Variants in PPEF1 observed in about 807,000 individuals in gnomAD.
PPEF1 encodes the protein protein phosphatase with EF-hand domain 1.
Under a neutral mutation model 53.3 loss-of-function variants are expected in PPEF1, and 12 were observed. The ratio of observed to expected loss-of-function variants is 0.23; its 90% confidence interval spans 0.14 to 0.36. The LOEUF is 0.36. Ranked by LOEUF, PPEF1 falls within the 10% of genes least tolerant of loss-of-function variation. The pLI is 1.00. For missense variants in PPEF1, 334 were observed against 490.4 expected, an observed-to-expected ratio of 0.68 and a Z score of 3.01; for synonymous variants, 165 against 176.7, an observed-to-expected ratio of 0.93 and a Z score of 0.52.
chrX:18,677,833 G>A (rs1017978157), intron 1 of PPEF1, among the ~76,000 whole-genome samples: 1 of 111,298 alleles, frequency 9.0e-6, no homozygotes, highest in Non-Finnish European at 1.9e-5. Flanking sequence ...CACTGGATGC[G>A]TGTAGCACAC....
intron 10 of PPEF1, among the ~76,000 whole-genome samples, chrX:18,798,322 G>A (rs371807079): frequency 1.8e-5 from 2 of 111,626 alleles, no homozygotes; most frequent in East Asian, 5.7e-4. Context: ...CATGAGCCAC[G>A]GCGCCTGGCC....
chrX:18,758,825 G>C (rs1431648962), intron 5 of PPEF1, among the ~76,000 whole-genome samples: 2 of 111,349 alleles, frequency 1.8e-5, no homozygotes, highest in African/African-American at 3.3e-5. Flanking sequence ...CCGCTCCCCT[G>C]TGTTTCACTG....
intron 1 of PPEF1, among the ~76,000 whole-genome samples, chrX:18,712,942 T>C (rs756925947): frequency 8.9e-6 from 1 of 112,285 alleles, no homozygotes; most frequent in Admixed American, 9.5e-5. Flanking sequence ...TGTTAATTGA[T>C]GTTAAGCCAA....
intron 10 of PPEF1, among the ~76,000 whole-genome samples, chrX:18,799,299 G>A (rs916567622): frequency 9.2e-6 from 1 of 108,762 alleles, no homozygotes; most frequent in Non-Finnish European, 1.9e-5. Context: ...TCAGCTAGTC[G>A]GGAGACTGAG....
intron 6 of PPEF1, among the ~76,000 whole-genome samples, chrX:18,766,065 C>CAAAAAAAAAAAAAAAAAAAA (rs61277288): frequency 1.6e-5 from 1 of 63,984 alleles, no homozygotes; most frequent in Non-Finnish European, 2.8e-5. Context: ...AACTCTGTCT[C>CAAAAAAAAAAAAAAAAAAAA]AAAAAAAAAA....
At chrX:18,683,324 C>T (rs1453458026) in intron 1 of PPEF1, among the ~76,000 whole-genome samples, 1 of 111,290 alleles carries the variant, frequency 9.0e-6, no homozygotes, top group African/African-American at 3.3e-5. Flanking sequence ...GGCAACATGT[C>T]TGTGTCAGAT....
chrX:18,795,662 T>A (rs1002902881), intron 10 of PPEF1, among the ~76,000 whole-genome samples: 1 of 112,337 alleles, frequency 8.9e-6, no homozygotes. Context: ...ACATTTTAAC[T>A]GCTTTCTTGT....
At chrX:18,757,374 C>T (rs936691221) in intron 4 of PPEF1, among the ~76,000 whole-genome samples, 1 of 110,022 alleles carries the variant, frequency 9.1e-6, no homozygotes, top group South Asian at 4.0e-4. Flanking sequence ...AGGGCAAGGG[C>T]GTGCCTCCCT....
At chrX:18,726,395 TGGC>T (rs2044708585) in intron 1 of PPEF1, among the ~76,000 whole-genome samples, 2 of 109,207 alleles carry the variant, frequency 1.8e-5, no homozygotes, top group Non-Finnish European at 3.8e-5. Context: ...AATAAATAAA[TGGC>T]GGCCATTATT....
intron 5 of PPEF1, among the ~76,000 whole-genome samples, chrX:18,698,087 CA>C (rs1266277531): frequency 8.9e-6 from 1 of 111,807 alleles, no homozygotes; most frequent in Non-Finnish European, 1.9e-5. Flanking sequence ...GTATATACCT[CA>C]GAGGATGGTG....
chrX:18,817,067 C>CGTGTGTGTGTGT (rs1391352242), intron 12 of PPEF1, among the ~76,000 whole-genome samples: 75 of 49,145 alleles, frequency 1.5e-3, no homozygotes, highest in African/African-American at 4.2e-3. Context: ...ATCATTTTGC[C>CGTGTGTGTGTGT]ATGTGTGTGT....
chrX:18,767,263 G>A (rs1395489815), intron 6 of PPEF1, among the ~76,000 whole-genome samples: 2 of 111,252 alleles, frequency 1.8e-5, no homozygotes, highest in Non-Finnish European at 3.8e-5. Context: ...AAGAAGTAAA[G>A]GGGACCAGGC....
intron 12 of PPEF1, among the ~76,000 whole-genome samples, chrX:18,810,607 C>A (rs779657819): frequency 4.5e-5 from 5 of 112,343 alleles, no homozygotes; most frequent in Admixed American, 9.5e-5. Flanking sequence ...CTCGGCATTT[C>A]ATATAAATGA....
chrX:18,679,373 T>C (rs1022823641), upstream of PPEF1, among the ~76,000 whole-genome samples: 4 of 112,337 alleles, frequency 3.6e-5, no homozygotes, highest in Non-Finnish European at 7.5e-5. Context: ...CCACCGTGCC[T>C]GGCCTCTGTT....
At position 18,786,061 on chromosome X, in the gene PPEF1, G is replaced by T. The variant is rs188265522; in HGVS notation, c.912+2013G>T. On this transcript the variant is annotated intron_variant, in intron 9 of 15. Coordinates refer to ENST00000470157, the MANE Select transcript of PPEF1 (RefSeq NM_001377996.1). ...GAGCACAAGGGAACATGATGTCTTT[G>T]TCAGTCAAATATTGGTGAACACAGG... Among the ~76,000 whole-genome samples the T allele has an allele frequency of 9.8e-5, 11 of 112,439 alleles. No individual in the cohort carries two copies. The East Asian group carries it at 3.1e-3, about 31-fold the overall frequency.
At chrX:18,707,626 T>G (rs989030102), upstream of PPEF1, 5 of 444,170 alleles carry the variant, frequency 1.1e-5, no homozygotes, top group African/African-American at 1.2e-4. Flanking sequence ...AACTGGCGGT[T>G]TCCTTCCCTC....
Position 18,788,054 on chromosome X carries a change from C to T in PPEF1, c.913-1067C>T, listed in dbSNP as rs751289455. On this transcript the variant is annotated intron_variant, in intron 9 of 15. Coordinates refer to ENST00000470157, the MANE Select transcript of PPEF1 (RefSeq NM_001377996.1). ...GTGCTTGGCCGGGTGCAGTGGCTCA[C>T]GCCTGTAATCCGAGCACTTTGGGAG... Among the ~76,000 whole-genome samples the T allele has an allele frequency of 6.1e-3, 679 of 111,935 alleles. 3 individuals carry two copies. The highest frequency in any genetic ancestry group is 0.021 in the African/African-American group (648 of 30,868).
intron 4 of PPEF1, among the ~76,000 whole-genome samples, chrX:18,752,363 TTG>T (rs753584857): frequency 1.2e-4 from 13 of 108,445 alleles, no homozygotes; most frequent in Admixed American, 2.0e-4. Context: ...CTCTAGTAGT[TTG>T]TGTGTGTGTG....
chrX:18,770,240 A>G (rs1191463476), intron 6 of PPEF1, among the ~76,000 whole-genome samples: 1 of 111,678 alleles, frequency 9.0e-6, no homozygotes, highest in East Asian at 2.8e-4. Context: ...ACCCCAGTAG[A>G]CTAGTTCCTC....
Sources: allele counts gnomAD v4.1 joint callset (sites outside exome capture counted in the v4.1 genomes callset), GRCh38; gene constraint gnomAD v4.1.1; transcripts MANE v1.5; gene names NCBI Gene and HGNC (gene_info 2026-07-23, HGNC 2026-07-21).